MAML2: variants seen among roughly 807,000 people sequenced by gnomAD.
MAML2 encodes mastermind-like protein 2.
In MAML2, 22 loss-of-function variants were observed where a neutral mutation model predicts 96.1. The observed-to-expected ratio is 0.23, with a 90% CI of 0.16 to 0.33. MAML2 has a LOEUF of 0.33. Ranked by LOEUF, MAML2 falls within the 10% of genes least tolerant of loss-of-function variation. The pLI, the probability that MAML2 is intolerant of heterozygous loss-of-function variation, is 1.00. For synonymous variants in MAML2, 561 were observed against 521.3 expected (o/e 1.08, Z -1.04); for missense variants, 1,367 against 1,392.4 (o/e 0.98, Z 0.29).
At chr11:95,986,462 A>C (rs1262642815) in intron 3 of MAML2, among the ~76,000 whole-genome samples, 1 of 151,928 alleles carries the variant, frequency 6.6e-6, no homozygotes, top group Non-Finnish European at 1.5e-5. Flanking sequence ...AGCCTCCCAG[A>C]GTGCTGGGAT....
intron 1 of MAML2, among the ~76,000 whole-genome samples, chr11:96,107,548 C>T (rs564927527): frequency 1.2e-4 from 19 of 152,190 alleles, no homozygotes; most frequent in Admixed American, 1.2e-3. Flanking sequence ...CTTGGACTCT[C>T]TAACATGATA....
intron 2 of MAML2, among the ~76,000 whole-genome samples, chr11:96,072,838 C>A (rs568924053): frequency 1.3e-5 from 2 of 152,270 alleles, no homozygotes; most frequent in African/African-American, 4.8e-5. Flanking sequence ...AAGGCAAATC[C>A]GCAAGTCTCC....
At chr11:96,325,754 C>A (rs1241267592) in intron 1 of MAML2, among the ~76,000 whole-genome samples, 1 of 152,080 alleles carries the variant, frequency 6.6e-6, no homozygotes, top group African/African-American at 2.4e-5. Flanking sequence ...AGCTCCAAGG[C>A]ACAGAAGATG....
intron 1 of MAML2, among the ~76,000 whole-genome samples, chr11:96,120,681 A>G (rs1333178765): frequency 6.6e-6 from 1 of 152,192 alleles, no homozygotes; most frequent in East Asian, 1.9e-4. Context: ...GGGTAAGCAA[A>G]TTGTCAGTTA....
intron 1 of MAML2, among the ~76,000 whole-genome samples, chr11:96,303,674 G>C (rs939226696): frequency 6.6e-6 from 1 of 152,262 alleles, no homozygotes; most frequent in East Asian, 1.9e-4. Flanking sequence ...GAATAAGATA[G>C]GCTGAATACA....
chr11:95,991,547 A>G lies in MAML2; in HGVS notation c.2316T>C (p.Leu772=). ...RQIMEQKQQL[L]LQQQMLADAE... is the part of the protein sequence containing the mutation. ...CGTCAGCCAGCATCTGCTGCTGGAG[A>G]AGAAGTTGCTGTTTCTGCTCCATGA... Residue 772 remains leucine, a synonymous_variant, in exon 3 of 5, where the codon CTT becomes CTC. Transcript: ENST00000524717. The G allele has an allele frequency of 1.2e-6, 2 of 1,613,720 alleles. No individual in the cohort carries two copies. The highest frequency in any genetic ancestry group is 1.7e-6 in the Non-Finnish European group (2 of 1,179,686).
chr11:96,031,708 G>A (rs564100397), intron 2 of MAML2, among the ~76,000 whole-genome samples: 19 of 152,196 alleles, frequency 1.2e-4, no homozygotes, highest in East Asian at 3.9e-4. Context: ...ATATCTGGCC[G>A]GGCACAGTGG....
chr11:96,044,363 G>T (rs1177571484), intron 2 of MAML2, among the ~76,000 whole-genome samples: 1 of 152,142 alleles, frequency 6.6e-6, no homozygotes, highest in Admixed American at 6.5e-5. Flanking sequence ...TGGTGGTAAA[G>T]GTTCTCTGCT....
chr11:96,087,800 C>T (rs941990068), intron 2 of MAML2, among the ~76,000 whole-genome samples: 5 of 152,200 alleles, frequency 3.3e-5, no homozygotes, highest in Non-Finnish European at 7.3e-5. Context: ...TTCAGGCAAC[C>T]TCTAGGATCC....
intron 1 of MAML2, among the ~76,000 whole-genome samples, chr11:96,270,892 C>A (rs1862908161): frequency 6.6e-6 from 1 of 152,168 alleles, no homozygotes; most frequent in African/African-American, 2.4e-5. Context: ...GACCCACCCT[C>A]AATGTGGGTA....
At chr11:96,154,475 G>A (rs1860978775) in intron 1 of MAML2, among the ~76,000 whole-genome samples, 1 of 152,204 alleles carries the variant, frequency 6.6e-6, no homozygotes, top group Non-Finnish European at 1.5e-5. Flanking sequence ...GCTTTTATCT[G>A]CATATCATAG....
At chr11:96,227,090 C>A (rs1174095074) in intron 1 of MAML2, among the ~76,000 whole-genome samples, 1 of 152,100 alleles carries the variant, frequency 6.6e-6, no homozygotes, top group Non-Finnish European at 1.5e-5. Flanking sequence ...GGCCCTTGTA[C>A]CTGCTAGCCT....
chr11:96,299,073 A>ATATT (rs1863351035), intron 1 of MAML2, among the ~76,000 whole-genome samples: 1 of 137,378 alleles, frequency 7.3e-6, no homozygotes, highest in African/African-American at 2.7e-5. Context: ...ATATATATAT[A>ATATT]TATATATAAA....
At chr11:96,135,316 A>G (rs772221939) in intron 1 of MAML2, among the ~76,000 whole-genome samples, 1 of 152,186 alleles carries the variant, frequency 6.6e-6, no homozygotes, top group Non-Finnish European at 1.5e-5. Context: ...TGAGAAATAA[A>G]TCTTCATTCT....
chr11:96,113,710 A>G (rs748999288), intron 1 of MAML2, among the ~76,000 whole-genome samples: 7 of 152,132 alleles, frequency 4.6e-5, no homozygotes, highest in Non-Finnish European at 7.4e-5. Flanking sequence ...GGAGGCTTTA[A>G]TCCAGGGTGT....
chr11:96,309,909 A>G (rs1357276940), intron 1 of MAML2, among the ~76,000 whole-genome samples: 1 of 151,858 alleles, frequency 6.6e-6, no homozygotes, highest in African/African-American at 2.4e-5. Context: ...TGCCATGTTG[A>G]CTAGGCCGGT....
chr11:96,293,454 A>G (rs549277188), intron 1 of MAML2, among the ~76,000 whole-genome samples: 2 of 152,286 alleles, frequency 1.3e-5, no homozygotes, highest in South Asian at 4.1e-4. Flanking sequence ...ATAAGGTTGC[A>G]TTTTTGGTCA....
chr11:96,018,739 G>A (rs1208203683), intron 2 of MAML2, among the ~76,000 whole-genome samples: 1 of 152,124 alleles, frequency 6.6e-6, no homozygotes, highest in Non-Finnish European at 1.5e-5. Context: ...TGAGACTACA[G>A]GGACCTGCCA....
rs1045064532 is a variant in MAML2 at position 96,036,726 on chromosome 11, C to A, written c.2140-45003G>T. ...TCCCATTGTAAAAATAACTCCGGGG[C>A]TGAGATGTGGCGATCCAAATTCCTG... On this transcript the variant is annotated intron_variant, in intron 2 of 4. Transcript: ENST00000524717. 1.3e-5 allele frequency among the ~76,000 whole-genome samples: 2 copies of A among 151,996 alleles called. 1 individual carries two copies. Among genetic ancestry groups the A allele is most frequent in the Non-Finnish European group, 2.9e-5 (2 of 68,018 alleles).
Sources: allele counts gnomAD v4.1 joint callset (sites outside exome capture counted in the v4.1 genomes callset), GRCh38; gene constraint gnomAD v4.1.1; transcripts MANE v1.5; gene names NCBI Gene and HGNC (gene_info 2026-07-23, HGNC 2026-07-21).